Variants in ABCF3 observed in about 807,000 individuals in gnomAD.
ABCF3 encodes ATP-binding cassette sub-family F member 3.
A neutral mutation model predicts 94.3 loss-of-function variants in ABCF3; 62 were observed. The observed-to-expected ratio is 0.66, with a 90% CI of 0.54 to 0.81. The LOEUF (loss-of-function observed/expected upper bound fraction) is 0.81, where lower values mean the gene tolerates loss of function less well. Ranked by LOEUF, ABCF3 falls within the 40% of genes least tolerant of loss-of-function variation. The pLI is 0.00. For synonymous variants in ABCF3, 355 were observed against 361.1 expected (o/e 0.98, Z 0.19); for missense variants, 843 against 925.3 (o/e 0.91, Z 1.15).
chr3:184,189,509 G>A, intron 12 of ABCF3, 48 bp from the exon 13 acceptor site: 1 of 1,613,944 alleles, frequency 6.2e-7, no homozygotes, highest in Non-Finnish European at 8.5e-7. Flanking sequence ...GGGGGCCTGA[G>A]AACTGACTGC....
chr3:184,188,858 CT>C lies in ABCF3; in HGVS notation c.917+18del, dbSNP rs781093679. On this transcript the variant is annotated intron_variant, in intron 8 of 20. Transcript: ENST00000429586. The stretch of plus-strand genomic sequence containing the variant: ...ACCTGCCAGGTATTTAAAGCTCCCC[CT>C]CCCTCCTTCAGATTTCCTTTCCCTT... 1.2e-6 allele frequency: 2 copies of C among 1,614,088 alleles called. No homozygotes were observed. Among genetic ancestry groups the C allele is most frequent in the Non-Finnish European group, 1.7e-6 (2 of 1,179,976 alleles).
rs1248946865 is a variant in ABCF3 at position 184,193,229 on chromosome 3, G to T, written c.1878G>T (p.Met626Ile). 1.9e-6 allele frequency: 3 copies of T among 1,570,516 alleles called. No individual in the cohort carries two copies. The highest frequency in any genetic ancestry group is 2.6e-6 in the Non-Finnish European group (3 of 1,158,820). Reference protein sequence around the residue: ...KSRVAFAQMTMPCPNFYILDE... With the variant: ...KSRVAFAQMTIPCPNFYILDE... ...GAGTGGCCTTTGCTCAGATGACTAT[G>T]CCCTGGTGAGGCCTCATTTTCCAGA... The change falls in exon 19 of 21, where the codon ATG becomes ATT. Residue 626 changes from methionine to isoleucine, a missense_variant. Coordinates refer to ENST00000429586, the MANE Select transcript of ABCF3 (RefSeq NM_018358.3). This position sits in a 1 kb window ranked among gnomAD's most constrained non-coding sequence, Gnocchi z 5.2.
At position 184,186,874 on chromosome 3, in the gene ABCF3, C is replaced by T. The variant is rs748272932; in HGVS notation, c.300C>T (p.Tyr100=). Residue 100 remains tyrosine (Y), a splice_region_variant and synonymous_variant, in exon 3 of 21, where the codon TAC becomes TAT. Coordinates refer to ENST00000429586, the MANE Select transcript of ABCF3 (RefSeq NM_018358.3). ...AGTTGTCAAAGATAACGGAGAACTA[C>T]GGTGAGAGTGAGGGGAGGTTGAACT... The part of the protein sequence containing the change: ...PIQLSKITEN[Y]DCGTKLPGLL... 4 of 1,613,350 alleles carry T rather than the reference C, an allele frequency of 2.5e-6. No homozygotes were observed. In the South Asian group the frequency reaches 3.3e-5, roughly 13 times the overall value.
intron 7 of ABCF3, 165 bp downstream of exon 7, chr3:184,188,572 C>A: frequency 9.3e-7 from 1 of 1,077,264 alleles, no homozygotes; most frequent in Non-Finnish European, 1.3e-6. Context: ...GTGCCCATTG[C>A]CCTTTCTTGT....
In ABCF3 at chr3:184,188,347, G is replaced by A. The variant is rs143440886; in HGVS notation, c.776G>A (p.Ser259Asn). ...CTGCAGAGTGTGCTGGAGAGTGACA[G>A]TGTGCGAGAGGATTTGCTACGGAGG... The part of the protein sequence containing the change: ...PALQSVLESD[S>N]VREDLLRRER... Residue 259 changes from serine to asparagine, a missense_variant, in exon 7 of 21, where the codon AGT (serine) becomes AAT (asparagine). Ser to Asn is a conservative substitution (Grantham distance 46, BLOSUM62 1). Transcript: ENST00000429586. 3.7e-6 allele frequency: 6 copies of A among 1,613,762 alleles called. No homozygotes were observed. Among genetic ancestry groups the A allele is most frequent in the East Asian group, 2.2e-5 (1 of 44,894 alleles).
intron 7 of ABCF3, 112 bp from the exon 8 acceptor site, chr3:184,188,649 C>A (rs1577066776): frequency 8.6e-7 from 1 of 1,168,408 alleles, no homozygotes; most frequent in East Asian, 2.5e-5. Flanking sequence ...TTCCTGTATT[C>A]TCTTCCTCTT....
Position 184,193,759 on chromosome 3 carries a change from A to G in ABCF3, c.*61A>G. On this transcript the variant is annotated 3_prime_UTR_variant, in exon 21 of 21. Coordinates refer to ENST00000429586, the MANE Select transcript of ABCF3 (RefSeq NM_018358.3). The surrounding 1 kb of genome is among the most constrained non-coding windows in gnomAD (Gnocchi z 5.2). ...TGGTCTCTCAGACCCCTGGGCCACC[A>G]TGTAGGCCACCACTCCAGGCCGTGG... 6.7e-7 allele frequency: 1 copy of G among 1,492,122 alleles called. No individual in the cohort carries two copies. Among genetic ancestry groups the G allele is most frequent in the Non-Finnish European group, 9.0e-7 (1 of 1,115,974 alleles). The allele number at this position is 1,492,122 out of a possible 1,614,324, so 92.4% of individuals were successfully genotyped here.
chr3:184,189,021 C>T (rs772120987), intron 9 of ABCF3, 33 bp downstream of exon 9: 1 of 1,614,080 alleles, frequency 6.2e-7, no homozygotes, highest in African/African-American at 1.3e-5. Flanking sequence ...GGCTTTGAAC[C>T]CTGTTGTCTC....
Position 184,187,849 on chromosome 3 carries a change from C to T in ABCF3, c.447-12C>T, listed in dbSNP as rs377547048. 11 of 1,613,974 alleles carry T rather than the reference C, an allele frequency of 6.8e-6. No individual in the cohort carries two copies. In the African/African-American group the frequency reaches 9.3e-5, roughly 14 times the overall value. The stretch of plus-strand genomic sequence containing the variant: ...GGGGAGCACTAAGAGCTGTCCATTT[C>T]TCCCTTTAAAGAGTCTTAGAAGAGG... On this transcript the variant is annotated splice_polypyrimidine_tract_variant and intron_variant, in intron 5 of 20. Transcript: ENST00000429586.
intron 12 of ABCF3, 56 bp from the exon 13 acceptor site, chr3:184,189,501 G>C: frequency 1.2e-6 from 2 of 1,613,664 alleles, no homozygotes; most frequent in Non-Finnish European, 1.7e-6. Context: ...AGATACCTGG[G>C]GGCCTGAGAA....
chr3:184,189,038 T>C, intron 9 of ABCF3, 50 bp downstream of exon 9: 1 of 1,614,180 alleles, frequency 6.2e-7, no homozygotes, highest in Non-Finnish European at 8.5e-7. Flanking sequence ...TCTCAGCCCC[T>C]TCCTGCCCTG....
chr3:184,193,160 G>T lies in ABCF3; in HGVS notation c.1809G>T (p.Leu603=), dbSNP rs760959516. The change falls in exon 19 of 21, where the codon CTG becomes CTT. Residue 603 remains leucine (L), a synonymous_variant. Transcript: ENST00000429586. This position sits in a 1 kb window ranked among gnomAD's most constrained non-coding sequence, Gnocchi z 5.2. The part of the protein sequence containing the change: ...QLGRYGISGE[L]AMRPLASLSG... ...GTCGGTATGGCATCTCCGGAGAACT[G>T]GCCATGCGTCCTCTTGCCAGCCTGT... 1 of 1,567,300 alleles carries T rather than the reference G, an allele frequency of 6.4e-7. No homozygotes were observed. Among genetic ancestry groups the T allele is most frequent in the Non-Finnish European group, 8.6e-7 (1 of 1,157,590 alleles).
Position 184,189,141 on chromosome 3 carries a change from C to T in ABCF3, c.1031C>T (p.Ala344Val), listed in dbSNP as rs376318287. Reference sequence around the variant, plus strand: ...CTGGCCCTGGCCCGGGCCCTCTTTGCTAGGTGAGTCTCCTGGGCCAGTGTA... The same window carrying T: ...CTGGCCCTGGCCCGGGCCCTCTTTGTTAGGTGAGTCTCCTGGGCCAGTGTA... ...MRLALARALF[A>V]RPDLLLLDEP... The change falls in exon 10 of 21, where the codon GCT becomes GTT. Residue 344 changes from alanine to valine, a missense_variant. Ala to Val is a moderately conservative substitution (Grantham distance 64, BLOSUM62 0). Transcript: ENST00000429586. 2.5e-6 allele frequency: 4 copies of T among 1,614,086 alleles called. No homozygotes were observed. In the African/African-American group the frequency reaches 4.0e-5, roughly 16 times the overall value.
chr3:184,190,195 A>G (rs1307526945), intron 14 of ABCF3: 4 of 537,318 alleles, frequency 7.4e-6, no homozygotes, highest in South Asian at 2.2e-5. Flanking sequence ...GAATCATACA[A>G]TATGACCTTT....
intron 16 of ABCF3, 73 bp from the exon 17 acceptor site, chr3:184,192,528 C>A: frequency 7.3e-7 from 1 of 1,369,744 alleles, no homozygotes; most frequent in Non-Finnish European, 1.0e-6. Context: ...CTTTTTAGTG[C>A]CCACATATGA....
At position 184,193,198 on chromosome 3, in the gene ABCF3, A is replaced by G. The variant is rs1231159180; in HGVS notation, c.1847A>G (p.Lys616Arg). The change falls in exon 19 of 21, where the codon AAG (lysine) becomes AGG (arginine). Residue 616 changes from lysine (K) to arginine (R), a missense_variant. Physicochemically the swap from Lys to Arg is conservative, Grantham distance 26. Coordinates refer to ENST00000429586, the MANE Select transcript of ABCF3 (RefSeq NM_018358.3). The surrounding 1 kb of genome is among the most constrained non-coding windows in gnomAD (Gnocchi z 5.2). ...RPLASLSGGQKSRVAFAQMTM... is the reference protein window; with the variant it reads ...RPLASLSGGQRSRVAFAQMTM... ...CTTGCCAGCCTGTCTGGGGGCCAGAAGAGCCGAGTGGCCTTTGCTCAGATG... is the reference window on the plus strand; with the variant it reads ...CTTGCCAGCCTGTCTGGGGGCCAGAGGAGCCGAGTGGCCTTTGCTCAGATG... 6.4e-7 allele frequency: 1 copy of G among 1,563,852 alleles called. No individual in the cohort carries two copies. Among genetic ancestry groups the G allele is most frequent in the Non-Finnish European group, 8.7e-7 (1 of 1,155,534 alleles).
chr3:184,192,687 C>T lies in ABCF3; in HGVS notation c.1656C>T (p.His552=), dbSNP rs201780852. ...LAPVRGIRHA[H]RNLKIGYFSQ... ...CTGTTCGGGGCATCAGACACGCTCA[C>T]AGGTCAGGCCCACCCGCACCCCTGC... The change falls in exon 17 of 21, where the codon CAC becomes CAT. Residue 552 remains histidine, a splice_region_variant and synonymous_variant. Transcript: ENST00000429586. 54 of 1,609,646 alleles carry T rather than the reference C, an allele frequency of 3.4e-5. 1 individual carries two copies. In the East Asian group the frequency reaches 5.1e-4, roughly 15 times the overall value.
At position 184,193,095 on chromosome 3, in the gene ABCF3, T is replaced by C. The variant is rs547523911; in HGVS notation, c.1751-7T>C. 6.5e-7 allele frequency: 1 copy of C among 1,534,464 alleles called. No homozygotes were observed. The highest frequency in any genetic ancestry group is 1.3e-5 in the South Asian group (1 of 77,408). The stretch of plus-strand genomic sequence containing the variant: ...GAAGCCACCTGATCTGGGGAGTCCT[T>C]TTCCAGGGCGGCCTGAGGAGGAGTA... On this transcript the variant is annotated splice_region_variant and splice_polypyrimidine_tract_variant and intron_variant, in intron 18 of 20. Coordinates refer to ENST00000429586, the MANE Select transcript of ABCF3 (RefSeq NM_018358.3). The surrounding 1 kb of genome is among the most constrained non-coding windows in gnomAD (Gnocchi z 5.2).
chr3:184,189,796 G>A, intron 13 of ABCF3, 39 bp downstream of exon 13: 1 of 1,614,016 alleles, frequency 6.2e-7, no homozygotes, highest in Non-Finnish European at 8.5e-7. Flanking sequence ...CATCCCAGGG[G>A]TTCCAGAGTG....
Sources: gnomAD v4.1 joint callset for allele counts on GRCh38, gnomAD v4.1.1 for gene constraint, Gnocchi (gnomAD v3.1) non-coding constraint, MANE v1.5 for transcripts, NCBI Gene and HGNC (gene_info 2026-07-23, HGNC 2026-07-21) for gene names.